The following EIPR1 variants were observed in gnomAD, a reference collection of about 807,000 sequenced individuals.
The protein encoded by EIPR1 is EARP complex and GARP complex interacting protein 1, also known as EARP and GARP complex-interacting protein 1.
In EIPR1, 25 loss-of-function variants were observed where a neutral mutation model predicts 48.1. The ratio of observed to expected loss-of-function variants is 0.52; its 90% CI spans 0.38 to 0.73. The LOEUF (loss-of-function observed/expected upper bound fraction) is 0.73, where lower values mean the gene tolerates loss of function less well. Ranked by LOEUF, EIPR1 falls within the 30% of genes least tolerant of loss-of-function variation. The probability of loss-of-function intolerance (pLI) is 0.00; values close to 1 mark genes in which losing one functional copy is unlikely to be tolerated. For synonymous variants in EIPR1, 204 were observed against 201.9 expected (o/e 1.01, Z -0.09); for missense variants, 415 against 506.2 (o/e 0.82, Z 1.73).
intron 3 of EIPR1, among the ~76,000 whole-genome samples, chr2:3,325,611 G>T (rs1319850620): frequency 3.9e-5 from 6 of 152,164 alleles, no homozygotes; most frequent in Non-Finnish European, 8.8e-5. Flanking sequence ...AATGGCAGAG[G>T]AAAGAGAAAG....
chr2:3,292,459 G>A (rs907598864), intron 3 of EIPR1, among the ~76,000 whole-genome samples: 2 of 152,074 alleles, frequency 1.3e-5, no homozygotes, highest in Non-Finnish European at 1.5e-5. Flanking sequence ...ATGCTGTTGC[G>A]GGGACAGCCC....
At chr2:3,194,384 CG>C in intron 6 of EIPR1, 1 of 462,416 alleles carries the variant, frequency 2.2e-6, no homozygotes. Context: ...TCTCCAGAAG[CG>C]TATCTGTGAC....
At position 3,189,312 on chromosome 2, in the gene EIPR1, C is replaced by G. The variant is rs775439156; in HGVS notation, c.*22G>C. 29 of 1,549,384 alleles carry G rather than the reference C, an allele frequency of 1.9e-5. 1 individual carries two copies. In the South Asian group the frequency reaches 3.5e-4, roughly 18 times the overall value. On this transcript the variant is annotated 3_prime_UTR_variant, in exon 9 of 9. Transcript: ENST00000382125. This position sits in a 1 kb window ranked among gnomAD's most constrained non-coding sequence, Gnocchi z 4.6. The stretch of plus-strand genomic sequence containing the variant: ...CAAGAGGAAAACCACTCAATGGGAC[C>G]TGGATAACCCAGGCCCGGGAGTCAT...
chr2:3,370,260 A>G (rs35268972), intron 1 of EIPR1, among the ~76,000 whole-genome samples: 2 of 152,202 alleles, frequency 1.3e-5, no homozygotes, highest in Non-Finnish European at 1.5e-5. Flanking sequence ...TCAAAGACCA[A>G]AAGTAGATAA....
intron 4 of EIPR1, among the ~76,000 whole-genome samples, chr2:3,215,172 G>A (rs1665589126): frequency 6.6e-6 from 1 of 152,230 alleles, no homozygotes; most frequent in South Asian, 2.1e-4. Context: ...ACTAAGGAAT[G>A]GACACTGACC....
At position 3,283,962 on chromosome 2, in the gene EIPR1, A is replaced by AAG. The variant is rs1553294331; in HGVS notation, c.260-26508_260-26507insCT. On this transcript the variant is annotated intron_variant, in intron 3 of 8. Coordinates refer to ENST00000382125, the MANE Select transcript of EIPR1 (RefSeq NM_003310.5). ...CTACATCTAAAAAAAAAAAAAAAAA[A>AAG]AAAGAAAGAAAGAAAAAAAGAAAAG... Among the ~76,000 whole-genome samples, 236 of 142,600 alleles carry AAG rather than the reference A, an allele frequency of 1.7e-3. 2 individuals carry two copies. The highest frequency in any genetic ancestry group is 4.2e-3 in the African/African-American group (163 of 38,530). The allele number at this position is 142,600 out of a possible 152,430, so 93.6% of individuals were successfully genotyped here.
chr2:3,293,907 G>T lies in EIPR1; in HGVS notation c.260-36452C>A, dbSNP rs548531143. 3.9e-5 allele frequency among the ~76,000 whole-genome samples: 6 copies of T among 152,206 alleles called. No individual in the cohort carries two copies. The South Asian group carries it at 1.2e-3, about 32-fold the overall frequency. ...ACAGAAACCACACATTATTCAAAAA[G>T]AAAGATTTTTCTTCCTTAAATTTAA... On this transcript the variant is annotated intron_variant, in intron 3 of 8. Transcript: ENST00000382125.
chr2:3,241,832 C>T (rs183392184), intron 4 of EIPR1, among the ~76,000 whole-genome samples: 22 of 152,250 alleles, frequency 1.4e-4, no homozygotes, highest in African/African-American at 4.8e-4. Flanking sequence ...GGTCCTAATT[C>T]GGCAGGTTTC....
intron 3 of EIPR1, among the ~76,000 whole-genome samples, chr2:3,279,548 G>A (rs910573187): frequency 6.6e-6 from 1 of 152,154 alleles, no homozygotes; most frequent in Non-Finnish European, 1.5e-5. Context: ...GCAAAATGTA[G>A]ACAGATACCA....
At chr2:3,200,960 G>A (rs1301430183) in intron 5 of EIPR1, among the ~76,000 whole-genome samples, 4 of 152,184 alleles carry the variant, frequency 2.6e-5, no homozygotes, top group African/African-American at 4.8e-5. Context: ...GCATGGTGAC[G>A]GCAGCATGTG....
At chr2:3,297,474 C>T (rs1366167710) in intron 3 of EIPR1, among the ~76,000 whole-genome samples, 1 of 152,236 alleles carries the variant, frequency 6.6e-6, no homozygotes, top group African/African-American at 2.4e-5. Flanking sequence ...GTCCCTTCTA[C>T]AACGGAGTTC....
chr2:3,242,100 C>T (rs913952571), intron 4 of EIPR1, among the ~76,000 whole-genome samples: 3 of 152,176 alleles, frequency 2.0e-5, no homozygotes, highest in Non-Finnish European at 2.9e-5. Context: ...CAGGAGCTCC[C>T]GACTCGACAC....
chr2:3,314,819 A>G (rs1435276171), intron 3 of EIPR1, among the ~76,000 whole-genome samples: 3 of 151,844 alleles, frequency 2.0e-5, no homozygotes, highest in African/African-American at 7.3e-5. Context: ...AACAAGCTGC[A>G]TGCACCTGCG....
intron 3 of EIPR1, among the ~76,000 whole-genome samples, chr2:3,313,285 G>A (rs913974193): frequency 6.6e-6 from 1 of 152,230 alleles, no homozygotes; most frequent in East Asian, 1.9e-4. Context: ...CCTGGGAGAG[G>A]ACATGGATTC....
rs1220728723 is a variant in EIPR1, at chr2:3,246,805, CAGGG to C, written c.416+10490_416+10493del. ...GGAGAAACGGAGGGAGGGAGGGAGG[CAGGG>C]AGGGAGGGAGGGAGGAAGGGAGGGA... On this transcript the variant is annotated intron_variant, in intron 4 of 8. Coordinates refer to ENST00000382125, the MANE Select transcript of EIPR1 (RefSeq NM_003310.5). Among the ~76,000 whole-genome samples, 15 of 13,808 alleles carry C rather than the reference CAGGG, an allele frequency of 1.1e-3. No homozygotes were observed. The East Asian group carries it at 0.015, about 14-fold the overall frequency. The allele number at this position is 13,808 out of a possible 152,430, so 9.1% of individuals were successfully genotyped here.
At chr2:3,349,504 TACC>T (rs1558314186) in intron 2 of EIPR1, among the ~76,000 whole-genome samples, 1 of 152,056 alleles carries the variant, frequency 6.6e-6, no homozygotes, top group African/African-American at 2.4e-5. Flanking sequence ...AACTGCACAA[TACC>T]ACCACAAGAC....
At chr2:3,255,371 T>C (rs946619646) in intron 4 of EIPR1, among the ~76,000 whole-genome samples, 6 of 152,070 alleles carry the variant, frequency 3.9e-5, no homozygotes, top group East Asian at 1.9e-4. Flanking sequence ...TTAGCAGAGA[T>C]GGGGTTTCAC....
chr2:3,250,794 T>A (rs1666979829), intron 4 of EIPR1, among the ~76,000 whole-genome samples: 2 of 152,018 alleles, frequency 1.3e-5, no homozygotes, highest in Admixed American at 1.3e-4. Context: ...TTTAAAAGAG[T>A]CTGGCAGCTG....
chr2:3,293,072 C>T (rs931725828), intron 3 of EIPR1, among the ~76,000 whole-genome samples: 12 of 152,246 alleles, frequency 7.9e-5, no homozygotes, highest in African/African-American at 2.9e-4. Flanking sequence ...AAGTCCTCTG[C>T]CAGCCTACGA....
Sources: gnomAD v4.1 joint callset for allele counts (sites outside exome capture counted in the v4.1 genomes callset) on GRCh38, gnomAD v4.1.1 for gene constraint, Gnocchi (gnomAD v3.1) non-coding constraint, MANE v1.5 for transcripts, NCBI Gene and HGNC (gene_info 2026-07-23, HGNC 2026-07-21) for gene names.